PTPRD: variants seen among roughly 807,000 people sequenced by gnomAD.
The protein encoded by PTPRD is receptor-type tyrosine-protein phosphatase delta.
In PTPRD, 34 loss-of-function variants were observed where a neutral mutation model predicts 214.5. The ratio of observed to expected loss-of-function variants is 0.16; its 90% CI spans 0.12 to 0.21. The LOEUF is 0.21. Among genes scored for constraint, PTPRD ranks in the 10% least tolerant of loss-of-function variants. PTPRD has a pLI of 1.00. For synonymous variants in PTPRD, 1,128 were observed against 845.7 expected (o/e 1.33, Z -5.79); for missense variants, 2,545 against 2,398.7 (o/e 1.06, Z -1.27).
At chr9:8,359,664 G>T (rs917295720) in intron 39 of PTPRD, among the ~76,000 whole-genome samples, 1 of 152,080 alleles carries the variant, frequency 6.6e-6, no homozygotes, top group Non-Finnish European at 1.5e-5. Flanking sequence ...GCCCCTAGGT[G>T]ATTCTGGTGC....
intron 8 of PTPRD, among the ~76,000 whole-genome samples, chr9:9,478,668 G>A (rs1033120801): frequency 6.6e-6 from 1 of 152,024 alleles, no homozygotes; most frequent in Non-Finnish European, 1.5e-5. Context: ...TGCCAACAAA[G>A]GTTCATAGAG....
chr9:9,467,904 T>G (rs2094326117), intron 8 of PTPRD, among the ~76,000 whole-genome samples: 1 of 152,136 alleles, frequency 6.6e-6, no homozygotes. Flanking sequence ...GTATGTCAAT[T>G]TTTAACTTAA....
intron 21 of PTPRD, among the ~76,000 whole-genome samples, chr9:8,515,849 C>CT (rs1200285107): frequency 6.6e-6 from 1 of 152,066 alleles, no homozygotes; most frequent in Admixed American, 6.6e-5. Context: ...GTATGTGGTT[C>CT]TTTTTTACAG....
intron 39 of PTPRD, among the ~76,000 whole-genome samples, chr9:8,364,052 AT>A (rs1462958176): frequency 1.3e-5 from 2 of 152,368 alleles, no homozygotes; most frequent in African/African-American, 4.8e-5. Context: ...TATATACAAT[AT>A]TTCAGAGTTT....
At chr9:9,887,468 C>T (rs1216415398) in intron 5 of PTPRD, among the ~76,000 whole-genome samples, 1 of 152,220 alleles carries the variant, frequency 6.6e-6, no homozygotes, top group Admixed American at 6.5e-5. Context: ...ATGCATAATA[C>T]TTGTGTAGGA....
intron 11 of PTPRD, among the ~76,000 whole-genome samples, chr9:8,930,474 C>T (rs1427608746): frequency 1.3e-5 from 2 of 152,102 alleles, no homozygotes; most frequent in Non-Finnish European, 2.9e-5. Flanking sequence ...TGGGTATATA[C>T]CCAGTAATGG....
At chr9:8,523,943 A>T (rs901652134) in intron 18 of PTPRD, among the ~76,000 whole-genome samples, 58 of 152,182 alleles carry the variant, frequency 3.8e-4, no homozygotes, top group Non-Finnish European at 6.9e-4. Context: ...TTCAAAATCA[A>T]GCTAGGTATT....
chr9:8,777,854 T>A (rs1346814635), intron 11 of PTPRD, among the ~76,000 whole-genome samples: 1 of 152,226 alleles, frequency 6.6e-6, no homozygotes, highest in African/African-American at 2.4e-5. Flanking sequence ...TCATTTTTTA[T>A]CAAATTGTAG....
At chr9:9,903,012 A>G (rs1192672556) in intron 5 of PTPRD, among the ~76,000 whole-genome samples, 1 of 152,150 alleles carries the variant, frequency 6.6e-6, no homozygotes, top group African/African-American at 2.4e-5. Context: ...TACCTGAGTG[A>G]AAAACATCGA....
chr9:10,153,590 T>C (rs962970340), intron 3 of PTPRD, among the ~76,000 whole-genome samples: 2 of 151,964 alleles, frequency 1.3e-5, no homozygotes, highest in African/African-American at 4.8e-5. Flanking sequence ...GTTTGTTATA[T>C]AGGTGAACTA....
intron 4 of PTPRD, among the ~76,000 whole-genome samples, chr9:9,984,818 G>C (rs1437642388): frequency 6.6e-6 from 1 of 152,114 alleles, no homozygotes; most frequent in Non-Finnish European, 1.5e-5. Context: ...TCCATGTCAG[G>C]AGGACAGTGC....
intron 12 of PTPRD, among the ~76,000 whole-genome samples, chr9:8,712,066 C>A (rs2098346382): frequency 6.6e-6 from 1 of 152,138 alleles, no homozygotes; most frequent in Non-Finnish European, 1.5e-5. Context: ...AACAGTACAA[C>A]ACAAAGAGTG....
chr9:10,307,817 G>A (rs143310863), intron 3 of PTPRD, among the ~76,000 whole-genome samples: 33 of 151,888 alleles, frequency 2.2e-4, no homozygotes, highest in African/African-American at 8.0e-4. Flanking sequence ...TTAATGTTTG[G>A]TGATGCTAAA....
intron 7 of PTPRD, among the ~76,000 whole-genome samples, chr9:9,677,324 T>A (rs922044061): frequency 5.3e-5 from 8 of 152,048 alleles, no homozygotes; most frequent in African/African-American, 1.9e-4. Context: ...AAGGAAGGGA[T>A]CCAGTTTCAG....
intron 6 of PTPRD, among the ~76,000 whole-genome samples, chr9:9,764,924 C>G (rs930500684): frequency 3.9e-5 from 6 of 152,072 alleles, no homozygotes; most frequent in African/African-American, 1.4e-4. Flanking sequence ...TAATGACTAA[C>G]AGCAGGCTCG....
chr9:8,605,677 C>T (rs886627839), intron 14 of PTPRD, among the ~76,000 whole-genome samples: 1 of 152,154 alleles, frequency 6.6e-6, no homozygotes, highest in Non-Finnish European at 1.5e-5. Context: ...CCTAAATCAC[C>T]TGGCAGAATG....
At chr9:8,587,953 T>C (rs1423474878) in intron 14 of PTPRD, among the ~76,000 whole-genome samples, 1 of 152,258 alleles carries the variant, frequency 6.6e-6, no homozygotes, top group Non-Finnish European at 1.5e-5. Context: ...ATAATAGCTC[T>C]GTGCATCTCA....
intron 2 of PTPRD, among the ~76,000 whole-genome samples, chr9:10,410,658 C>T (rs1021736315): frequency 6.6e-6 from 1 of 151,606 alleles, no homozygotes; most frequent in Admixed American, 6.6e-5. Flanking sequence ...TAAAAAGGAA[C>T]AGTCATTGTT....
chr9:10,225,749 A>G (rs933699825), intron 3 of PTPRD, among the ~76,000 whole-genome samples: 11 of 152,114 alleles, frequency 7.2e-5, no homozygotes, highest in Non-Finnish European at 1.6e-4. Context: ...TTACTTAAAA[A>G]TTAAATGAAT....
Sources: gnomAD v4.1 joint callset for allele counts (sites outside exome capture counted in the v4.1 genomes callset) on GRCh38, gnomAD v4.1.1 for gene constraint, MANE v1.5 for transcripts, NCBI Gene and HGNC (gene_info 2026-07-23, HGNC 2026-07-21) for gene names.